NRDC: variants seen among roughly 807,000 people sequenced by gnomAD.
The protein encoded by NRDC is nardilysin convertase, also known as nardilysin.
Under a neutral mutation model 147.1 loss-of-function variants are expected in NRDC, and 54 were observed. That is an observed-to-expected ratio of 0.37 (90% confidence interval 0.29 to 0.46). The LOEUF (loss-of-function observed/expected upper bound fraction) is 0.46. Among genes scored for constraint, NRDC ranks in the 20% least tolerant of loss-of-function variants. The pLI is 1.00. For synonymous variants in NRDC, 440 were observed against 482.1 expected (o/e 0.91, Z 1.14); for missense variants, 1,082 against 1,370.6 (o/e 0.79, Z 3.33).
chr1:51,791,532 C>T (rs1678654903), intron 27 of NRDC, 46 bp downstream of exon 27: 8 of 1,453,878 alleles, frequency 5.5e-6, no homozygotes, highest in Non-Finnish European at 7.7e-6. Flanking sequence ...CCCCTACTCT[C>T]CATGTCCATA....
At chr1:51,859,548 C>A (rs535278673) in intron 1 of NRDC, among the ~76,000 whole-genome samples, 2 of 152,282 alleles carry the variant, frequency 1.3e-5, no homozygotes, top group African/African-American at 2.4e-5. Context: ...GGGTTCCGTC[C>A]TCCAGGCAAT....
At chr1:51,821,435 T>C (rs114412842) in intron 8 of NRDC, 63 bp downstream of exon 8, 14,695 of 1,105,668 alleles carry the variant, frequency 0.013, 417 homozygotes, top group South Asian at 0.087. Context: ...CCTTTGGGAC[T>C]CATACAAGAT....
At chr1:51,819,204 A>C (rs549732996) in intron 9 of NRDC, among the ~76,000 whole-genome samples, 1 of 152,060 alleles carries the variant, frequency 6.6e-6, no homozygotes, top group Non-Finnish European at 1.5e-5. Flanking sequence ...CAGCAGGCTG[A>C]GGCAGGAGAA....
rs547403698 is a variant in NRDC, at chr1:51,790,355, GGC to G, written c.3168+176_3168+177del. Among the ~76,000 whole-genome samples the G allele has an allele frequency of 2.0e-3, 307 of 152,332 alleles. 1 individual carries two copies. The highest frequency in any genetic ancestry group is 7.0e-3 in the African/African-American group (293 of 41,570). On this transcript the variant is annotated intron_variant, in intron 29 of 30. Transcript: ENST00000352171. Reference sequence around the variant, plus strand: ...GTAAGGATTAGCACCCAGCTCACGTGGCCACCTAAGGTGCTAGAGAGGCCAGT... The same window carrying G: ...GTAAGGATTAGCACCCAGCTCACGTGCACCTAAGGTGCTAGAGAGGCCAGT...
chr1:51,842,919 A>C (rs1201969390), intron 1 of NRDC, among the ~76,000 whole-genome samples: 1 of 152,016 alleles, frequency 6.6e-6, no homozygotes, highest in Non-Finnish European at 1.5e-5. Context: ...AAATACAAAA[A>C]TTAGCTAGGC....
intron 27 of NRDC, 40 bp from the exon 28 acceptor site, chr1:51,791,030 T>C (rs376937256): frequency 1.9e-5 from 27 of 1,416,350 alleles, no homozygotes; most frequent in Non-Finnish European, 2.6e-5. Flanking sequence ...AAACAAAACA[T>C]CTTCAATTAA....
chr1:51,878,114 G>C, intron 1 of NRDC, 161 bp downstream of exon 1: 1 of 1,423,928 alleles, frequency 7.0e-7, no homozygotes, highest in Non-Finnish European at 9.2e-7. Flanking sequence ...ACACCACAGG[G>C]AAGCCTCTAA....
chr1:51,814,540 G>T lies in NRDC; in HGVS notation c.1619+11C>A. The T allele has an allele frequency of 6.2e-7, 1 of 1,612,142 alleles. No individual in the cohort carries two copies. Among genetic ancestry groups the T allele is most frequent in the Non-Finnish European group, 8.5e-7 (1 of 1,178,424 alleles). On this transcript the variant is annotated intron_variant, in intron 13 of 30. Coordinates refer to ENST00000352171, the MANE Select transcript of NRDC (RefSeq NM_001101662.2). ...CTGGCTCCTGGCCTCATTCCAGGAA[G>T]TGTTTATTACCTTTTTTCTGGGCCT... is the stretch of plus-strand genomic sequence containing the variant.
intron 1 of NRDC, among the ~76,000 whole-genome samples, chr1:51,868,183 A>G (rs1223457568): frequency 6.6e-6 from 1 of 152,214 alleles, no homozygotes; most frequent in Non-Finnish European, 1.5e-5. Context: ...ATTCAACATA[A>G]TAGCGTGGAA....
intron 20 of NRDC, 125 bp downstream of exon 20, chr1:51,803,689 A>C: frequency 1.4e-6 from 1 of 707,756 alleles, no homozygotes; most frequent in Non-Finnish European, 2.2e-6. Flanking sequence ...TCATCAGCCA[A>C]GAATATTCAA....
chr1:51,835,342 T>C (rs1470611769), intron 3 of NRDC, among the ~76,000 whole-genome samples: 1 of 151,890 alleles, frequency 6.6e-6, no homozygotes, highest in African/African-American at 2.4e-5. Context: ...ATTACAGGAG[T>C]GAGCCACCGC....
intron 21 of NRDC, among the ~76,000 whole-genome samples, chr1:51,800,156 G>A (rs1307536279): frequency 6.6e-6 from 1 of 152,068 alleles, no homozygotes; most frequent in African/African-American, 2.4e-5. Flanking sequence ...TTAATTTTTT[G>A]TAGAGATGAA....
At chr1:51,825,192 A>G in intron 6 of NRDC, 95 bp downstream of exon 6, 1 of 827,444 alleles carries the variant, frequency 1.2e-6, no homozygotes, top group South Asian at 1.6e-5. Flanking sequence ...GTACCTAGGG[A>G]CTCTAGCTTT....
In NRDC at chr1:51,834,720, C is replaced by T. The variant is rs144552629; in HGVS notation, c.713-550G>A. On this transcript the variant is annotated intron_variant, in intron 3 of 30. Coordinates refer to ENST00000352171, the MANE Select transcript of NRDC (RefSeq NM_001101662.2). Reference sequence around the variant, plus strand: ...ATTTCATCTTTAAAGAAAGATAAGACGAACATATAACTTATAAAGAGATCA... The same window carrying T: ...ATTTCATCTTTAAAGAAAGATAAGATGAACATATAACTTATAAAGAGATCA... Among the ~76,000 whole-genome samples, 26 of 151,722 alleles carry T rather than the reference C, an allele frequency of 1.7e-4. No individual in the cohort carries two copies. The South Asian group carries it at 2.1e-3, about 12-fold the overall frequency.
At chr1:51,798,150 G>T in intron 22 of NRDC, 99 bp downstream of exon 22, 3 of 1,217,306 alleles carry the variant, frequency 2.5e-6, no homozygotes, top group Non-Finnish European at 3.5e-6. Flanking sequence ...GATAATGCTG[G>T]CCTGCCAAAA....
intron 20 of NRDC, among the ~76,000 whole-genome samples, chr1:51,802,089 G>A (rs1270783837): frequency 6.6e-6 from 1 of 152,110 alleles, no homozygotes; most frequent in Non-Finnish European, 1.5e-5. Flanking sequence ...GCCAGGCTGA[G>A]GTTTTTATAC....
chr1:51,804,032 A>G, intron 19 of NRDC, 68 bp from the exon 20 acceptor site: 1 of 1,352,868 alleles, frequency 7.4e-7, no homozygotes, highest in Non-Finnish European at 1.0e-6. Context: ...GATTTGCTTC[A>G]ATTTAGAGTA....
intron 4 of NRDC, among the ~76,000 whole-genome samples, chr1:51,831,268 A>C (rs1047771747): frequency 2.0e-5 from 3 of 152,230 alleles, no homozygotes; most frequent in African/African-American, 7.2e-5. Flanking sequence ...GAATGTATTC[A>C]TATCATACAT....
intron 20 of NRDC, among the ~76,000 whole-genome samples, chr1:51,802,500 T>C (rs529154224): frequency 6.6e-6 from 1 of 152,350 alleles, no homozygotes; most frequent in African/African-American, 2.4e-5. Context: ...ATTTTCCAAA[T>C]GACAACCACT....
Sources: gnomAD v4.1 joint callset for allele counts (sites outside exome capture counted in the v4.1 genomes callset) on GRCh38, gnomAD v4.1.1 for gene constraint, MANE v1.5 for transcripts, NCBI Gene and HGNC (gene_info 2026-07-23, HGNC 2026-07-21) for gene names.